The following MACROD2 variants were observed in gnomAD, a reference collection of about 807,000 sequenced individuals.
The protein encoded by MACROD2 is ADP-ribose glycohydrolase MACROD2.
A neutral mutation model predicts 70.4 loss-of-function variants in MACROD2; 36 were observed. That is an observed-to-expected ratio of 0.51 (90% CI 0.39 to 0.68). The LOEUF is 0.68. MACROD2 is among the 30% of genes least tolerant of loss of function. The pLI is 0.00. For synonymous variants in MACROD2, 172 were observed against 178.8 expected, an observed-to-expected ratio of 0.96 and a Z score of 0.30; for missense variants, 496 against 538.4, an observed-to-expected ratio of 0.92 and a Z score of 0.78.
intron 6 of MACROD2, among the ~76,000 whole-genome samples, chr20:15,282,292 T>G (rs1025718051): frequency 6.6e-6 from 1 of 152,266 alleles, no homozygotes; most frequent in Non-Finnish European, 1.5e-5. Context: ...TGCAAATTTC[T>G]GCAGCCAACT....
intron 8 of MACROD2, among the ~76,000 whole-genome samples, chr20:15,682,821 G>C (rs940164335): frequency 2.0e-5 from 3 of 152,146 alleles, no homozygotes; most frequent in Admixed American, 6.5e-5. Flanking sequence ...TAAGTACCTT[G>C]CTGGTAAAAT....
chr20:14,144,058 A>AG (rs1459296995), intron 3 of MACROD2, among the ~76,000 whole-genome samples: 3 of 152,064 alleles, frequency 2.0e-5, no homozygotes, highest in South Asian at 4.1e-4. Context: ...GATTTTAGGG[A>AG]GAAAAACCCA....
At chr20:15,144,952 G>A (rs913274454) in intron 5 of MACROD2, among the ~76,000 whole-genome samples, 2 of 152,062 alleles carry the variant, frequency 1.3e-5, no homozygotes, top group African/African-American at 4.8e-5. Flanking sequence ...AGAAGAACGG[G>A]CTGTATAAAT....
intron 4 of MACROD2, among the ~76,000 whole-genome samples, chr20:14,618,702 A>T (rs1490437103): frequency 6.6e-6 from 1 of 152,130 alleles, no homozygotes; most frequent in Non-Finnish European, 1.5e-5. Flanking sequence ...CACATGCCAC[A>T]TTGAGTCCCA....
At chr20:14,980,538 G>A (rs149675090) in intron 5 of MACROD2, among the ~76,000 whole-genome samples, 9 of 152,244 alleles carry the variant, frequency 5.9e-5, no homozygotes, top group African/African-American at 1.9e-4. Context: ...CCTACAGGTG[G>A]ATATAATCAT....
intron 3 of MACROD2, chr20:14,352,399 C>G (rs1601520315): frequency 6.6e-6 from 1 of 152,034 alleles, no homozygotes; most frequent in African/African-American, 2.4e-5. Context: ...GGATGACAAG[C>G]AAATTTGTGA....
In MACROD2 at chr20:15,455,746, T is replaced by A. The variant is rs558020498; in HGVS notation, c.571+24311T>A. Among the ~76,000 whole-genome samples the A allele has an allele frequency of 2.0e-5, 3 of 152,270 alleles. No individual in the cohort carries two copies. The South Asian group carries it at 6.2e-4, about 32-fold the overall frequency. ...TGAAGTTTTTACAGCAGATTCACTT[T>A]CATTACCCATTTTTCTTTCTATTGT... On this transcript the variant is annotated intron_variant, in intron 7 of 17. Coordinates refer to ENST00000684519, the MANE Select transcript of MACROD2 (RefSeq NM_001351661.2).
rs1331269608 is a variant in MACROD2, at chr20:14,133,801, GAATAC to G, written c.271+48077_271+48081del. ...GAAAGCTTGTTGCCCCAACTTCTGG[GAATAC>G]AATGGGCAGGTACCCCACAGCTGTC... On this transcript the variant is annotated intron_variant, in intron 3 of 17. Transcript: ENST00000684519. Among the ~76,000 whole-genome samples the G allele has an allele frequency of 3.3e-5, 5 of 152,154 alleles. 1 individual carries two copies. Among genetic ancestry groups the G allele is most frequent in the Non-Finnish European group, 7.3e-5 (5 of 68,028 alleles).
At chr20:15,560,446 A>G (rs2048226147) in intron 8 of MACROD2, among the ~76,000 whole-genome samples, 1 of 152,180 alleles carries the variant, frequency 6.6e-6, no homozygotes, top group Admixed American at 6.6e-5. Flanking sequence ...TTTGCCATTG[A>G]AAAATAACCT....
intron 2 of MACROD2, among the ~76,000 whole-genome samples, chr20:14,082,177 CTTTTTTTTTTTTTTT>C (rs66918191): frequency 1.1e-5 from 1 of 93,172 alleles, no homozygotes; most frequent in Admixed American, 1.7e-4. Flanking sequence ...CTTTTTTTTT[CTTTTTTTTTTTTTTT>C]TTTTGAGATG....
At position 14,655,039 on chromosome 20, in the gene MACROD2, A is replaced by G. The variant is rs1273005223; in HGVS notation, c.302-29804A>G. On this transcript the variant is annotated intron_variant, in intron 4 of 17. Transcript: ENST00000684519. ...CATACACAGGGTTGTTTTTTTTTTA[A>G]TTGTAAGACTGTTAAATATTTTCTC... is the stretch of plus-strand genomic sequence containing the variant. 2.6e-5 allele frequency among the ~76,000 whole-genome samples: 4 copies of G among 151,910 alleles called. No individual in the cohort carries two copies. In the East Asian group the frequency reaches 5.8e-4, roughly 22 times the overall value.
intron 5 of MACROD2, among the ~76,000 whole-genome samples, chr20:14,981,860 T>A (rs2074804224): frequency 6.7e-6 from 1 of 150,118 alleles, no homozygotes. Flanking sequence ...TAGAGTAGGG[T>A]GTTGCTGAAA....
intron 5 of MACROD2, among the ~76,000 whole-genome samples, chr20:15,198,393 T>A (rs1307781693): frequency 6.6e-6 from 1 of 152,210 alleles, no homozygotes; most frequent in Admixed American, 6.5e-5. Context: ...TCTAAGTGAA[T>A]ATGTTTATTA....
rs185586064 is a variant in MACROD2 at position 15,963,904 on chromosome 20, C to T, written c.908-3649C>T. Among the ~76,000 whole-genome samples the T allele has an allele frequency of 3.5e-3, 529 of 152,176 alleles. 1 individual carries two copies. The highest frequency in any genetic ancestry group is 0.012 in the African/African-American group (509 of 41,520). ...ATCTTAAAAGCACATCTATCTACAGCCCTTTGGCTTGAATATTTGATTTAA... is the reference window on the plus strand; with the variant it reads ...ATCTTAAAAGCACATCTATCTACAGTCCTTTGGCTTGAATATTTGATTTAA... On this transcript the variant is annotated intron_variant, in intron 12 of 17. Transcript: ENST00000684519.
intron 5 of MACROD2, among the ~76,000 whole-genome samples, chr20:15,192,873 A>G (rs940125786): frequency 1.4e-4 from 22 of 152,222 alleles, no homozygotes; most frequent in African/African-American, 5.1e-4. Flanking sequence ...AAAACCTTTT[A>G]GATTTTTATA....
At chr20:14,587,923 T>G (rs1037029500) in intron 4 of MACROD2, among the ~76,000 whole-genome samples, 1 of 152,158 alleles carries the variant, frequency 6.6e-6, no homozygotes, top group African/African-American at 2.4e-5. Context: ...AATACCCCTT[T>G]AAGTGTGTTG....
At chr20:14,120,213 CAAAAA>C (rs71190112) in intron 3 of MACROD2, among the ~76,000 whole-genome samples, 1 of 77,080 alleles carries the variant, frequency 1.3e-5, no homozygotes, top group Middle Eastern at 8.5e-3. Context: ...GACTCCGTCT[CAAAAA>C]AAAAAAAAAA....
At chr20:15,572,066 A>G (rs1467501207) in intron 8 of MACROD2, among the ~76,000 whole-genome samples, 1 of 152,156 alleles carries the variant, frequency 6.6e-6, no homozygotes, top group Non-Finnish European at 1.5e-5. Context: ...AAAGGAACCC[A>G]TCATGTATGT....
intron 5 of MACROD2, among the ~76,000 whole-genome samples, chr20:14,803,859 A>G (rs1194900158): frequency 6.6e-6 from 1 of 152,126 alleles, no homozygotes; most frequent in Non-Finnish European, 1.5e-5. Flanking sequence ...TGGGCAAATA[A>G]TGAATGGACT....
Sources: gnomAD v4.1 joint callset for allele counts (sites outside exome capture counted in the v4.1 genomes callset) on GRCh38, gnomAD v4.1.1 for gene constraint, MANE v1.5 for transcripts, NCBI Gene and HGNC (gene_info 2026-07-23, HGNC 2026-07-21) for gene names.